The following C9orf50 variants were observed in gnomAD, a reference collection of about 807,000 sequenced individuals.
C9orf50 encodes the protein chromosome 9 open reading frame 50.
Under a neutral mutation model 42.5 loss-of-function variants are expected in C9orf50, and 33 were observed. The ratio of observed to expected loss-of-function variants is 0.78; its 90% CI spans 0.59 to 1.04. The LOEUF (loss-of-function observed/expected upper bound fraction) is 1.04. Ranked by LOEUF, C9orf50 falls within the 50% of genes least tolerant of loss-of-function variation. The pLI is 0.00. For missense variants in C9orf50, 547 were observed against 594.3 expected, an observed-to-expected ratio of 0.92 and a Z score of 0.83; for synonymous variants, 257 against 273.4, an observed-to-expected ratio of 0.94 and a Z score of 0.59.
At chr9:129,615,644 C>A in exon 4 of C9orf50, 3 of 1,557,642 alleles carry the variant, frequency 1.9e-6, no homozygotes, top group Non-Finnish European at 2.6e-6. Context: ...CACCGTGGGG[C>A]CTGCTGAGAG....
chr9:129,620,459 G>A lies in C9orf50; in HGVS notation c.116C>T (p.Ala39Val), dbSNP rs764531058. The change falls in exon 1 of 7, where the codon GCG (alanine) becomes GTG (valine). Residue 39 changes from alanine (A) to valine (V), a missense_variant. Physicochemically the swap from Ala to Val is moderately conservative, Grantham distance 64 (BLOSUM62 0). Coordinates refer to ENST00000372478, the Ensembl canonical transcript of C9orf50. The surrounding 1 kb of genome is among the most constrained non-coding windows in gnomAD (Gnocchi z 5.8). ...CCGCGCGCCCAGAGCCGCTCGGAGC[G>A]CGGGCGGGGTCAGCTTGGGCAGCCG... 31 of 1,330,604 alleles carry A rather than the reference G, an allele frequency of 2.3e-5. No individual in the cohort carries two copies. In the African/African-American group the frequency reaches 4.1e-4, roughly 18 times the overall value. 82.4% of individuals were successfully genotyped at this position (1,330,604 alleles called of 1,614,324 possible). A position where few individuals can be genotyped will look rare whatever the true frequency, so the allele number is the denominator to read the frequency against.
At chr9:129,618,354 T>C (rs1830493070) in intron 3 of C9orf50, among the ~76,000 whole-genome samples, 1 of 152,092 alleles carries the variant, frequency 6.6e-6, no homozygotes, top group South Asian at 2.1e-4. Context: ...TAGTAAAACC[T>C]AATAAAAGTT....
At position 129,619,797 on chromosome 9, in the gene C9orf50, A is replaced by G. The variant is rs768219161; in HGVS notation, c.542T>C (p.Leu181Ser). ...CCGCGGAGACCCTGGGCAGTGCTCT[A>G]ATACACCCCTTTGATGTTGCGGTGC... is the stretch of plus-strand genomic sequence containing the variant. Residue 181 changes from leucine to serine, a missense_variant, in exon 2 of 7, where the codon TTA becomes TCA. Leu to Ser is a moderately radical substitution (Grantham distance 145, BLOSUM62 -2). This residue lies in a region of C9orf50 where 334 missense variants were observed against 323.7 expected (regional missense o/e 1.03). Coordinates refer to ENST00000372478, the Ensembl canonical transcript of C9orf50. 3.7e-6 allele frequency: 6 copies of G among 1,614,060 alleles called. No homozygotes were observed. The South Asian group carries it at 6.6e-5, about 18-fold the overall frequency.
rs1379718255 is a variant in C9orf50 at position 129,614,125 on chromosome 9, C to T, written c.881-528G>A. Among the ~76,000 whole-genome samples the T allele has an allele frequency of 6.6e-6, 1 of 152,206 alleles. No homozygotes were observed. Among genetic ancestry groups the T allele is most frequent in the Non-Finnish European group, 1.5e-5 (1 of 68,034 alleles). On this transcript the variant is annotated intron_variant, in intron 4 of 6. Coordinates refer to ENST00000372478, the Ensembl canonical transcript of C9orf50. The surrounding 1 kb of genome is among the most constrained non-coding windows in gnomAD (Gnocchi z 4.4). ...GCCAGTGGCTGACACGGAATCATCTCCTGTATGCACCAACTGCCATTCACA... is the reference window on the plus strand; with the variant it reads ...GCCAGTGGCTGACACGGAATCATCTTCTGTATGCACCAACTGCCATTCACA...
Position 129,615,634 on chromosome 9 carries a change from CA to C in C9orf50, c.729del (p.Ala244HisfsTer10). The C allele has an allele frequency of 1.3e-6, 2 of 1,571,730 alleles. No homozygotes were observed. Among genetic ancestry groups the C allele is most frequent in the Non-Finnish European group, 1.7e-6 (2 of 1,163,296 alleles). On this transcript the variant is annotated frameshift_variant, in exon 4 of 7. Coordinates refer to ENST00000372478, the Ensembl canonical transcript of C9orf50. LOFTEE classifies it high-confidence loss of function. ...GCAGCCTTGAGCCTGGGGACCTGTG[CA>C]CCGTGGGGCCTGCTGAGAGAGGGGA...
At position 129,613,746 on chromosome 9, in the gene C9orf50, G is replaced by T; in HGVS notation, c.881-149C>A. ...CCCCAGCGCCTTCTGGCTGCCTCCA[G>T]AGAAGCCTTGGGTTTTAAAACCACC... On this transcript the variant is annotated intron_variant, in intron 4 of 6. Coordinates refer to ENST00000372478, the Ensembl canonical transcript of C9orf50. This position sits in a 1 kb window ranked among gnomAD's most constrained non-coding sequence, Gnocchi z 6.2. 1 of 985,740 alleles carries T rather than the reference G, an allele frequency of 1.0e-6. No homozygotes were observed. Among genetic ancestry groups the T allele is most frequent in the Non-Finnish European group, 1.5e-6 (1 of 676,200 alleles). 61.1% of individuals were successfully genotyped at this position (985,740 alleles called of 1,614,324 possible). A position where few individuals can be genotyped will look rare whatever the true frequency, so the allele number is the denominator to read the frequency against.
intron 6 of C9orf50, among the ~76,000 whole-genome samples, chr9:129,612,716 G>T (rs577458455): frequency 2.0e-4 from 31 of 152,256 alleles, no homozygotes; most frequent in African/African-American, 6.7e-4. Flanking sequence ...TGTCTCTACC[G>T]AAAATACAAA....
chr9:129,620,733 T>A lies in C9orf50; in HGVS notation c.-159A>T, dbSNP rs911667781. On this transcript the variant is annotated 5_prime_UTR_variant, in exon 1 of 7. Coordinates refer to ENST00000372478, the Ensembl canonical transcript of C9orf50. This position sits in a 1 kb window ranked among gnomAD's most constrained non-coding sequence, Gnocchi z 5.8. ...CCGGCCCGGCGGACAGCGAGTGGCT[T>A]CAGGCGAGAGCTCCCAGAGCCTCTG... 1.2e-5 allele frequency: 7 copies of A among 596,460 alleles called. No individual in the cohort carries two copies. The highest frequency in any genetic ancestry group is 1.7e-5 in the Non-Finnish European group (7 of 408,412). 36.9% of individuals were successfully genotyped at this position (596,460 alleles called of 1,614,324 possible). A position where few individuals can be genotyped will look rare whatever the true frequency, so the allele number is the denominator to read the frequency against.
In C9orf50 at chr9:129,613,233, C is replaced by T. The variant is rs750183929; in HGVS notation, c.1062G>A (p.Gln354=). ...TGGAGGTGTCCTCAGAAAGGTAGCC[C>T]TGTGTCTTCTGGGTGGACCTGGGGG... The change falls in exon 6 of 7, where the codon CAG becomes CAA. Residue 354 remains glutamine, a synonymous_variant. Transcript: ENST00000372478. The surrounding 1 kb of genome is among the most constrained non-coding windows in gnomAD (Gnocchi z 6.2). 6.2e-7 allele frequency: 1 copy of T among 1,610,608 alleles called. No homozygotes were observed. The highest frequency in any genetic ancestry group is 8.5e-7 in the Non-Finnish European group (1 of 1,178,148).
At chr9:129,615,026 A>C (rs1830285443) in intron 4 of C9orf50, among the ~76,000 whole-genome samples, 1 of 152,220 alleles carries the variant, frequency 6.6e-6, no homozygotes, top group African/African-American at 2.4e-5. Flanking sequence ...AGGAGAGAGA[A>C]AGTTTCCGCT....
rs771606162 is a variant in C9orf50, at chr9:129,615,559, A to C, written c.805T>G (p.Cys269Gly). ...TCAGCGAATCGCACCCGGAAAGGGC[A>C]ACGCTGCCTGCAGGGCCTAGAGCCT... The change falls in exon 4 of 7, where the codon TGC (cysteine) becomes GGC (glycine). Residue 269 changes from cysteine to glycine, a missense_variant. Transcript: ENST00000372478. The C allele has an allele frequency of 7.5e-6, 12 of 1,610,336 alleles. No homozygotes were observed. The South Asian group carries it at 1.3e-4, about 18-fold the overall frequency.
intron 3 of C9orf50, among the ~76,000 whole-genome samples, chr9:129,617,891 C>T (rs1213815467): frequency 6.6e-6 from 1 of 152,070 alleles, no homozygotes; most frequent in Non-Finnish European, 1.5e-5. Flanking sequence ...ACCATGTTAC[C>T]AAGGCTGGTC....
At position 129,619,850 on chromosome 9, in the gene C9orf50, G is replaced by C; in HGVS notation, c.509-20C>G. On this transcript the variant is annotated intron_variant, in intron 1 of 6. Transcript: ENST00000372478. ...GGGATGCTGGAGCCAGGAGGAAACA[G>C]TTGTGAGCCTTGGCTGGGGGACGGT... 6.2e-7 allele frequency: 1 copy of C among 1,611,752 alleles called. No individual in the cohort carries two copies. The highest frequency in any genetic ancestry group is 1.1e-5 in the South Asian group (1 of 91,044).
rs1289432073 is a variant in C9orf50 at position 129,613,754 on chromosome 9, T to C, written c.881-157A>G. On this transcript the variant is annotated intron_variant, in intron 4 of 6. Transcript: ENST00000372478. This position sits in a 1 kb window ranked among gnomAD's most constrained non-coding sequence, Gnocchi z 6.2. ...CCTTCTGGCTGCCTCCAGAGAAGCC[T>C]TGGGTTTTAAAACCACCTTGCGTGA... 6.6e-6 allele frequency among the ~76,000 whole-genome samples: 1 copy of C among 152,156 alleles called. No homozygotes were observed. The highest frequency in any genetic ancestry group is 1.5e-5 in the Non-Finnish European group (1 of 68,024).
intron 3 of C9orf50, among the ~76,000 whole-genome samples, chr9:129,616,147 G>A (rs1830366393): frequency 6.6e-6 from 1 of 152,146 alleles, no homozygotes; most frequent in Non-Finnish European, 1.5e-5. Flanking sequence ...AAAGGAAATG[G>A]GCCGTACAAG....
Position 129,614,397 on chromosome 9 carries a change from C to T in C9orf50, c.881-800G>A, listed in dbSNP as rs1372080298. Among the ~76,000 whole-genome samples, 1 of 152,178 alleles carries T rather than the reference C, an allele frequency of 6.6e-6. No individual in the cohort carries two copies. Among genetic ancestry groups the T allele is most frequent in the Admixed American group, 6.5e-5 (1 of 15,278 alleles). ...CGAAGGTCCTAGGTTTGCAGGGCAT[C>T]GCCCACAGCTAGACCTTGAGGCAGA... On this transcript the variant is annotated intron_variant, in intron 4 of 6. Coordinates refer to ENST00000372478, the Ensembl canonical transcript of C9orf50. This position sits in a 1 kb window ranked among gnomAD's most constrained non-coding sequence, Gnocchi z 4.4.
At chr9:129,621,414 T>C (rs1422888782), upstream of C9orf50, among the ~76,000 whole-genome samples, 4 of 152,228 alleles carry the variant, frequency 2.6e-5, no homozygotes. Flanking sequence ...TGGAGTGCAA[T>C]GGCACCATCA....
At chr9:129,620,884 A>G, upstream of C9orf50, 1 of 310,698 alleles carries the variant, frequency 3.2e-6, no homozygotes, top group Non-Finnish European at 5.9e-6. The surrounding 1 kb of genome is among the most constrained non-coding windows in gnomAD (Gnocchi z 5.8). Context: ...CACGCTGGCC[A>G]AGCTTACACA....
At position 129,614,373 on chromosome 9, in the gene C9orf50, G is replaced by A. The variant is rs1172014835; in HGVS notation, c.881-776C>T. Among the ~76,000 whole-genome samples, 4 of 152,174 alleles carry A rather than the reference G, an allele frequency of 2.6e-5. No individual in the cohort carries two copies. The highest frequency in any genetic ancestry group is 4.4e-5 in the Non-Finnish European group (3 of 68,038). Reference sequence around the variant, plus strand: ...TGCGTCAGATCCCTCCCAAATCAGCGAAGGTCCTAGGTTTGCAGGGCATCG... The same window carrying A: ...TGCGTCAGATCCCTCCCAAATCAGCAAAGGTCCTAGGTTTGCAGGGCATCG... On this transcript the variant is annotated intron_variant, in intron 4 of 6. Transcript: ENST00000372478. The surrounding 1 kb of genome is among the most constrained non-coding windows in gnomAD (Gnocchi z 4.4).
Sources: gnomAD v4.1 joint callset for allele counts (sites outside exome capture counted in the v4.1 genomes callset) on GRCh38, gnomAD v4.1.1 for gene constraint, gnomAD v4.1.1 regional missense constraint, Gnocchi (gnomAD v3.1) non-coding constraint, MANE v1.5 for transcripts, NCBI Gene and HGNC (gene_info 2026-07-23, HGNC 2026-07-21) for gene names.